The following STPG2 variants were observed in gnomAD, a reference collection of about 807,000 sequenced individuals.
The protein encoded by STPG2 is sperm-tail PG-rich repeat-containing protein 2.
A neutral mutation model predicts 54.2 loss-of-function variants in STPG2; 56 were observed. That is an observed-to-expected ratio of 1.03 (90% CI 0.83 to 1.29). The LOEUF (loss-of-function observed/expected upper bound fraction) is 1.29. Ranked by LOEUF, STPG2 falls within the 50% of genes most tolerant of loss-of-function variation. STPG2 has a pLI of 0.00. For missense variants in STPG2, 596 were observed against 544.9 expected, an observed-to-expected ratio of 1.09 and a Z score of -0.93; for synonymous variants, 200 against 181.8, an observed-to-expected ratio of 1.10 and a Z score of -0.81.
intron 3 of STPG2, among the ~76,000 whole-genome samples, chr4:98,124,100 C>T (rs367752386): frequency 6.6e-6 from 1 of 152,196 alleles, no homozygotes; most frequent in African/African-American, 2.4e-5. Flanking sequence ...CTCTTGAATA[C>T]AGCACACCGA....
intron 9 of STPG2, among the ~76,000 whole-genome samples, chr4:97,834,317 A>G (rs560860210): frequency 6.6e-6 from 1 of 152,194 alleles, no homozygotes; most frequent in South Asian, 2.1e-4. Context: ...ATGAGAACAC[A>G]TGGACACAGG....
chr4:97,858,569 A>G (rs534688690), intron 8 of STPG2, among the ~76,000 whole-genome samples: 1 of 152,150 alleles, frequency 6.6e-6, no homozygotes, highest in African/African-American at 2.4e-5. Context: ...CCATCTCTCC[A>G]AGTCCCAAGA....
intron 5 of STPG2, among the ~76,000 whole-genome samples, chr4:98,039,697 T>A (rs7679662): frequency 2.1e-3 from 302 of 143,866 alleles, no homozygotes; most frequent in African/African-American, 7.7e-3. Flanking sequence ...TATATATATA[T>A]ATCTCACATT....
At chr4:97,986,597 A>G (rs1332278071) in intron 5 of STPG2, among the ~76,000 whole-genome samples, 1 of 152,218 alleles carries the variant, frequency 6.6e-6, no homozygotes, top group Non-Finnish European at 1.5e-5. Context: ...AAAACAGACT[A>G]AAGAAGACAT....
At chr4:97,941,904 G>A (rs146641424) in intron 8 of STPG2, among the ~76,000 whole-genome samples, 296 of 151,978 alleles carry the variant, frequency 1.9e-3, no homozygotes, top group African/African-American at 7.0e-3. Context: ...TGCTTCTTGG[G>A]TAACCAGAGT....
At chr4:97,982,235 G>A (rs1245011929) in intron 5 of STPG2, among the ~76,000 whole-genome samples, 1 of 152,036 alleles carries the variant, frequency 6.6e-6, no homozygotes, top group Non-Finnish European at 1.5e-5. Flanking sequence ...GAAGATGCAT[G>A]AATAAAAATA....
intron 8 of STPG2, among the ~76,000 whole-genome samples, chr4:97,859,884 C>A (rs1469331227): frequency 1.3e-5 from 2 of 152,202 alleles, no homozygotes; most frequent in African/African-American, 2.4e-5. Flanking sequence ...TTTGATCCAT[C>A]TTGACTTTAT....
chr4:97,981,241 C>G lies in STPG2; in HGVS notation c.690G>C (p.Lys230Asn). ...GAATATTTTTCAGTCCTGATGTTTT[C>G]TTCAAAGACTTGAGAGCAGTTCGAG... ...NEPRTALKSLKKTSGLKNIPF... is the reference protein window; with the variant it reads ...NEPRTALKSLNKTSGLKNIPF... The change falls in exon 6 of 11, where the codon AAG becomes AAC. Residue 230 changes from lysine (K) to asparagine (N), a missense_variant. Lys to Asn is a moderately conservative substitution (Grantham distance 94). Transcript: ENST00000295268. 1 of 1,613,980 alleles carries G rather than the reference C, an allele frequency of 6.2e-7. No homozygotes were observed. Among genetic ancestry groups the G allele is most frequent in the Admixed American group, 1.7e-5 (1 of 60,020 alleles).
intron 8 of STPG2, among the ~76,000 whole-genome samples, chr4:97,919,140 T>C (rs1469513256): frequency 6.6e-6 from 1 of 152,048 alleles, no homozygotes. Context: ...TTAAAAAACA[T>C]CTTACACTAA....
At chr4:97,945,716 A>C (rs192681005) in intron 7 of STPG2, among the ~76,000 whole-genome samples, 1 of 149,466 alleles carries the variant, frequency 6.7e-6, no homozygotes, top group Non-Finnish European at 1.5e-5. Flanking sequence ...CCCAACATCT[A>C]TTGTTTTTTT....
intron 5 of STPG2, among the ~76,000 whole-genome samples, chr4:98,001,153 A>G (rs190338949): frequency 6.6e-6 from 1 of 152,226 alleles, no homozygotes; most frequent in Non-Finnish European, 1.5e-5. Flanking sequence ...ATCTGAAGCT[A>G]CACTCCCAAG....
intron 10 of STPG2, among the ~76,000 whole-genome samples, chr4:97,612,744 A>G (rs1462254325): frequency 2.6e-5 from 4 of 152,082 alleles, no homozygotes; most frequent in Admixed American, 6.6e-5. Context: ...GATCTCAATT[A>G]TAAGTAGTCA....
At chr4:97,823,832 A>T (rs1265270742) in intron 9 of STPG2, among the ~76,000 whole-genome samples, 1 of 152,164 alleles carries the variant, frequency 6.6e-6, no homozygotes, top group Admixed American at 6.6e-5. Context: ...GGAAATTTAG[A>T]GTCTCTCCTA....
intron 8 of STPG2, among the ~76,000 whole-genome samples, chr4:97,855,781 G>C (rs1016867910): frequency 6.6e-6 from 1 of 152,040 alleles, no homozygotes; most frequent in Non-Finnish European, 1.5e-5. Flanking sequence ...TTTTCTTCTA[G>C]GGTTTTTATA....
At chr4:97,689,668 C>T (rs1300364877) in intron 10 of STPG2, among the ~76,000 whole-genome samples, 1 of 151,990 alleles carries the variant, frequency 6.6e-6, no homozygotes, top group Non-Finnish European at 1.5e-5. Flanking sequence ...TATCATAATT[C>T]TAATTGTAGA....
intron 3 of STPG2, among the ~76,000 whole-genome samples, chr4:98,119,717 T>C (rs913927295): frequency 1.3e-5 from 2 of 152,162 alleles, no homozygotes; most frequent in Non-Finnish European, 2.9e-5. Flanking sequence ...CATTAGCTAT[T>C]TTTTTCTGAT....
At chr4:97,891,150 C>T (rs963161909) in intron 8 of STPG2, among the ~76,000 whole-genome samples, 2 of 152,050 alleles carry the variant, frequency 1.3e-5, no homozygotes, top group African/African-American at 2.4e-5. Context: ...AAATTCTGTG[C>T]ACGCATTACT....
intron 9 of STPG2, among the ~76,000 whole-genome samples, chr4:97,784,441 T>C (rs1726759456): frequency 6.6e-6 from 1 of 152,110 alleles, no homozygotes; most frequent in Non-Finnish European, 1.5e-5. Context: ...TTTATCTTGC[T>C]ATAGTAATGC....
At chr4:97,462,939 C>A (rs550458273) in intron 4 of STPG2, among the ~76,000 whole-genome samples, 22 of 152,080 alleles carry the variant, frequency 1.4e-4, no homozygotes, top group Middle Eastern at 3.4e-3. Context: ...AAATAATTCA[C>A]CATTATGATT....
Sources: gnomAD v4.1 joint callset for allele counts (sites outside exome capture counted in the v4.1 genomes callset) on GRCh38, gnomAD v4.1.1 for gene constraint, MANE v1.5 for transcripts, NCBI Gene and HGNC (gene_info 2026-07-23, HGNC 2026-07-21) for gene names.